Variants in LRRC4C observed in about 807,000 individuals in gnomAD.
LRRC4C encodes leucine-rich repeat-containing protein 4C.
In LRRC4C, 5 loss-of-function variants were observed where a neutral mutation model predicts 33.6. The observed-to-expected ratio is 0.15, with a 90% CI of 0.08 to 0.31. The LOEUF (loss-of-function observed/expected upper bound fraction) is 0.31. Among genes scored for constraint, LRRC4C ranks in the 10% least tolerant of loss-of-function variants. The pLI is 1.00. For missense variants in LRRC4C, 560 were observed against 796.7 expected (o/e 0.70, Z 3.58); for synonymous variants, 329 against 302.0 (o/e 1.09, Z -0.93).
chr11:40,499,650 G>A (rs2138605943), intron 3 of LRRC4C, among the ~76,000 whole-genome samples: 1 of 152,336 alleles, frequency 6.6e-6, no homozygotes, highest in Non-Finnish European at 1.5e-5. Flanking sequence ...TGATGATGGT[G>A]AAAATAGTAA....
chr11:40,863,625 T>C (rs1430351482), intron 2 of LRRC4C, among the ~76,000 whole-genome samples: 3 of 152,164 alleles, frequency 2.0e-5, no homozygotes, highest in Admixed American at 2.0e-4. Context: ...TCAGAAAATT[T>C]TGTGAGCCAT....
intron 6 of LRRC4C, among the ~76,000 whole-genome samples, chr11:40,135,659 T>C (rs769694337): frequency 1.4e-4 from 22 of 152,216 alleles, no homozygotes; most frequent in Non-Finnish European, 2.6e-4. Flanking sequence ...TACTTTTTAG[T>C]TACTTTTCCC....
chr11:40,611,012 G>A (rs1348452294), intron 3 of LRRC4C, among the ~76,000 whole-genome samples: 1 of 151,634 alleles, frequency 6.6e-6, no homozygotes, highest in African/African-American at 2.4e-5. Context: ...CTGCAGAAAT[G>A]GAAAAGAAAT....
chr11:40,306,585 C>T (rs945024859), intron 4 of LRRC4C, among the ~76,000 whole-genome samples: 2 of 152,192 alleles, frequency 1.3e-5, no homozygotes, highest in Non-Finnish European at 2.9e-5. Context: ...CCATCATATG[C>T]TCCTGCCCCA....
chr11:40,228,762 T>G (rs1326260867), intron 5 of LRRC4C, among the ~76,000 whole-genome samples: 1 of 152,250 alleles, frequency 6.6e-6, no homozygotes, highest in African/African-American at 2.4e-5. Flanking sequence ...CAGTTTTTTC[T>G]TCTCTCATTT....
intron 3 of LRRC4C, among the ~76,000 whole-genome samples, chr11:40,505,843 T>A (rs1218811766): frequency 6.6e-6 from 1 of 152,084 alleles, no homozygotes; most frequent in Admixed American, 6.6e-5. Flanking sequence ...GCTTTCACAT[T>A]CTGACCCCAT....
At chr11:41,285,267 A>T (rs940171316) in intron 1 of LRRC4C, among the ~76,000 whole-genome samples, 1 of 152,190 alleles carries the variant, frequency 6.6e-6, no homozygotes, top group Admixed American at 6.5e-5. Flanking sequence ...CCATTCATTC[A>T]TCCATTTATT....
chr11:40,641,714 T>C (rs1942131664), intron 3 of LRRC4C, among the ~76,000 whole-genome samples: 1 of 152,228 alleles, frequency 6.6e-6, no homozygotes, highest in Non-Finnish European at 1.5e-5. Context: ...TCAGGGTTTG[T>C]AGCATCAGCA....
At chr11:41,049,683 CAG>C (rs1183777680) in intron 1 of LRRC4C, among the ~76,000 whole-genome samples, 1 of 152,150 alleles carries the variant, frequency 6.6e-6, no homozygotes, top group East Asian at 1.9e-4. Context: ...TTAGAAGTAA[CAG>C]AACTTCTGTG....
At chr11:41,174,355 T>C (rs1399417015) in intron 1 of LRRC4C, among the ~76,000 whole-genome samples, 5 of 152,126 alleles carry the variant, frequency 3.3e-5, no homozygotes, top group African/African-American at 1.2e-4. Context: ...AAAATAAAGA[T>C]GCAAATGCCT....
At chr11:40,752,146 G>A (rs923999800) in intron 2 of LRRC4C, among the ~76,000 whole-genome samples, 2 of 152,044 alleles carry the variant, frequency 1.3e-5, no homozygotes, top group African/African-American at 4.8e-5. Flanking sequence ...AAACTGTAAA[G>A]CTAGTTGAAG....
chr11:40,423,595 C>T (rs1159932507), intron 3 of LRRC4C, among the ~76,000 whole-genome samples: 2 of 151,900 alleles, frequency 1.3e-5, no homozygotes, highest in African/African-American at 2.4e-5. Context: ...CCGCCCGCCT[C>T]GGCCTCCCAA....
At chr11:41,259,283 T>A (rs898365947) in intron 1 of LRRC4C, among the ~76,000 whole-genome samples, 1 of 152,062 alleles carries the variant, frequency 6.6e-6, no homozygotes, top group African/African-American at 2.4e-5. Context: ...TTGTGTTATT[T>A]TTCTCATGAA....
At chr11:41,447,367 A>G (rs1955857807) in intron 1 of LRRC4C, among the ~76,000 whole-genome samples, 1 of 152,186 alleles carries the variant, frequency 6.6e-6, no homozygotes. Context: ...CCAGTTTCCA[A>G]TTACAAATTG....
At chr11:40,914,209 C>T (rs1248693638) in intron 2 of LRRC4C, among the ~76,000 whole-genome samples, 1 of 152,138 alleles carries the variant, frequency 6.6e-6, no homozygotes, top group Admixed American at 6.5e-5. Flanking sequence ...AGGCCAGCAT[C>T]ATCCTGATAC....
chr11:40,521,568 A>G (rs914021116), intron 3 of LRRC4C, among the ~76,000 whole-genome samples: 1 of 152,268 alleles, frequency 6.6e-6, no homozygotes, highest in African/African-American at 2.4e-5. Context: ...GCCTCAGAAA[A>G]TGTACAGTAT....
intron 2 of LRRC4C, among the ~76,000 whole-genome samples, chr11:40,879,242 A>G (rs1393783684): frequency 2.6e-5 from 4 of 152,166 alleles, no homozygotes; most frequent in African/African-American, 9.7e-5. Context: ...ATCTTAAGGG[A>G]AAAAAATCAT....
intron 5 of LRRC4C, among the ~76,000 whole-genome samples, chr11:40,157,896 C>T (rs184972517): frequency 1.3e-5 from 2 of 152,170 alleles, no homozygotes; most frequent in Admixed American, 1.3e-4. Context: ...TTTGTTCCAG[C>T]AATTCCACTA....
In LRRC4C at chr11:40,946,513, C is replaced by G. The variant is rs547597287; in HGVS notation, c.-495-12790G>C. The stretch of plus-strand genomic sequence containing the variant: ...TAAGTTCTTTGAGAAGTCTCTAAAC[C>G]GCTTTCCACAGTGACTGAACTAATT... On this transcript the variant is annotated intron_variant, in intron 1 of 6. Transcript: ENST00000528697. 1.4e-4 allele frequency among the ~76,000 whole-genome samples: 21 copies of G among 152,216 alleles called. 1 individual carries two copies. The highest frequency in any genetic ancestry group is 1.2e-3 in the East Asian group (6 of 5,172).
Sources: gnomAD v4.1 joint callset for allele counts (sites outside exome capture counted in the v4.1 genomes callset) on GRCh38, gnomAD v4.1.1 for gene constraint, MANE v1.5 for transcripts, NCBI Gene and HGNC (gene_info 2026-07-23, HGNC 2026-07-21) for gene names.